Variants in UNC13B observed in about 807,000 individuals in gnomAD.
UNC13B encodes the protein protein unc-13 homolog B.
Under a neutral mutation model 211.0 loss-of-function variants are expected in UNC13B, and 144 were observed. The ratio of observed to expected loss-of-function variants is 0.68; its 90% CI spans 0.60 to 0.78. The LOEUF (loss-of-function observed/expected upper bound fraction) is 0.78, where lower values mean the gene tolerates loss of function less well. Ranked by LOEUF, UNC13B falls within the 30% of genes least tolerant of loss-of-function variation. The pLI is 0.00. For synonymous variants in UNC13B, 709 were observed against 725.8 expected, an observed-to-expected ratio of 0.98 and a Z score of 0.37; for missense variants, 1,777 against 2,002.0, an observed-to-expected ratio of 0.89 and a Z score of 2.14.
At chr9:35,236,433 C>A in intron 3 of UNC13B, 36 bp from the exon 4 acceptor site, 1 of 1,542,532 alleles carries the variant, frequency 6.5e-7, no homozygotes, top group South Asian at 1.1e-5. Flanking sequence ...TTCATATTGT[C>A]TAGCTTTCCT....
At chr9:35,259,077 T>G (rs1361600285) in intron 7 of UNC13B, 27 bp downstream of exon 7, 1 of 1,611,842 alleles carries the variant, frequency 6.2e-7, no homozygotes. Context: ...TCTATGAATC[T>G]CTTTTAATTG....
intron 11 of UNC13B, among the ~76,000 whole-genome samples, chr9:35,330,302 T>C (rs1411175923): frequency 6.6e-6 from 1 of 152,224 alleles, no homozygotes; most frequent in Non-Finnish European, 1.5e-5. Flanking sequence ...ATGACCTTTC[T>C]AGCCTAGACC....
In UNC13B at chr9:35,381,731, C is replaced by T. The variant is rs1261340887; in HGVS notation, c.10655+12C>T. On this transcript the variant is annotated intron_variant, in intron 20 of 39. Coordinates refer to ENST00000635942, the MANE Select transcript of UNC13B (RefSeq NM_001371189.2). ...TATCAGGCCATGACGTGAGTCTCTG[C>T]TGCGGCACCGGGAAGTGGCTACTAA... 1 of 1,611,568 alleles carries T rather than the reference C, an allele frequency of 6.2e-7. No individual in the cohort carries two copies. The highest frequency in any genetic ancestry group is 1.1e-5 in the South Asian group (1 of 90,864).
intron 11 of UNC13B, among the ~76,000 whole-genome samples, chr9:35,355,030 T>C (rs1018776271): frequency 6.6e-6 from 1 of 152,204 alleles, no homozygotes; most frequent in African/African-American, 2.4e-5. Flanking sequence ...AAATAAATTA[T>C]TGGCACGTCC....
At position 35,381,188 on chromosome 9, in the gene UNC13B, C is replaced by T. The variant is rs370233463; in HGVS notation, c.10464C>T (p.Tyr3488=). 2 of 1,614,050 alleles carry T rather than the reference C, an allele frequency of 1.2e-6. No individual in the cohort carries two copies. Among genetic ancestry groups the T allele is most frequent in the Non-Finnish European group, 1.7e-6 (2 of 1,179,990 alleles). Residue 3488 remains tyrosine, a synonymous_variant, in exon 19 of 40, where the codon TAC becomes TAT. Coordinates refer to ENST00000635942, the MANE Select transcript of UNC13B (RefSeq NM_001371189.2). ...AGGGGGAGGAGAAAGTAGCCCCATA[C>T]CACGTGCAGTATACATGTCTCCATG... ...EIKGEEKVAP[Y]HVQYTCLHEN...
rs1260049983 is a variant in UNC13B at position 35,301,154 on chromosome 9, C to A, written c.1750C>A (p.Pro584Thr). The change falls in exon 9 of 40, where the codon CCC (proline) becomes ACC (threonine). Residue 584 changes from proline to threonine, a missense_variant. Physicochemically the swap from Pro to Thr is conservative, Grantham distance 38. Coordinates refer to ENST00000635942, the MANE Select transcript of UNC13B (RefSeq NM_001371189.2). The part of the protein sequence containing the change: ...QIEAINLGSK[P>T]RAMAVLGKDL... ...AGAGGCAATTAATTTGGGATCTAAA[C>A]CCAGAGCCATGGCAGTATTGGGGAA... 1.3e-5 allele frequency: 5 copies of A among 398,744 alleles called. No individual in the cohort carries two copies. Among genetic ancestry groups the A allele is most frequent in the Non-Finnish European group, 2.2e-5 (5 of 225,966 alleles). The allele number at this position is 398,744 out of a possible 1,614,324, so 24.7% of individuals were successfully genotyped here.
chr9:35,249,904 T>C (rs894946355), intron 6 of UNC13B, among the ~76,000 whole-genome samples: 3 of 152,220 alleles, frequency 2.0e-5, no homozygotes, highest in African/African-American at 7.2e-5. Context: ...ACTCACTACA[T>C]TTTCATCTTT....
rs113464090 is a variant in UNC13B, at chr9:35,243,275, C to CT, written c.395-8dup. The CT allele has an allele frequency of 1.6e-3, 2,628 of 1,607,490 alleles. 41 individuals are homozygous for CT. The African/African-American group carries it at 0.031, about 19-fold the overall frequency. On this transcript the variant is annotated splice_polypyrimidine_tract_variant and intron_variant, in intron 5 of 39. Coordinates refer to ENST00000635942, the MANE Select transcript of UNC13B (RefSeq NM_001371189.2). ...TGATGTGATTTCTTTTCTTTTTCTT[C>CT]TTTTTTTTATGGTAGATATCCCAGA...
intron 7 of UNC13B, among the ~76,000 whole-genome samples, chr9:35,280,184 G>C (rs1828404622): frequency 6.6e-6 from 1 of 152,130 alleles, no homozygotes; most frequent in South Asian, 2.1e-4. Flanking sequence ...GTTGAGAATG[G>C]TATAAAGTTT....
In UNC13B at chr9:35,168,703, C is replaced by CTT. The variant is rs34612376; in HGVS notation, c.22+6413_22+6414dup. 4.9e-3 allele frequency among the ~76,000 whole-genome samples: 664 copies of CTT among 135,828 alleles called. 11 individuals are homozygous for CTT. Among genetic ancestry groups the CTT allele is most frequent in the Middle Eastern group, 0.046 (12 of 262 alleles). 89.1% of individuals were successfully genotyped at this position (135,828 alleles called of 152,430 possible). A position where few individuals can be genotyped will look rare whatever the true frequency, so the allele number is the denominator to read the frequency against. On this transcript the variant is annotated intron_variant, in intron 1 of 39. Transcript: ENST00000635942. ...TTTCCATATGAACATGTATTACTTG[C>CTT]TTTTTTTTTTTTTTTTGATACAGGG...
At chr9:35,176,671 C>A (rs369484840) in intron 1 of UNC13B, among the ~76,000 whole-genome samples, 2 of 151,886 alleles carry the variant, frequency 1.3e-5, no homozygotes, top group Admixed American at 1.3e-4. Context: ...AGTAGGACTA[C>A]GGAGGAGTTA....
intron 11 of UNC13B, 48 bp from the exon 12 acceptor site, chr9:35,366,899 T>A (rs754285822): frequency 7.2e-6 from 11 of 1,523,342 alleles, no homozygotes; most frequent in Non-Finnish European, 1.0e-5. Flanking sequence ...TTACAGGCAA[T>A]CTCCCATCTT....
chr9:35,171,112 T>C (rs146070170), intron 1 of UNC13B, among the ~76,000 whole-genome samples: 1,857 of 146,266 alleles, frequency 0.013, 23 homozygotes, highest in African/African-American at 0.043. Context: ...CCTGGCTCCT[T>C]TTTTTTTGAG....
chr9:35,365,923 A>G (rs1833741621), intron 11 of UNC13B, among the ~76,000 whole-genome samples: 1 of 152,158 alleles, frequency 6.6e-6, no homozygotes. Flanking sequence ...TCACTTTTCC[A>G]TCACCATTAG....
chr9:35,235,444 C>G (rs577904399), intron 3 of UNC13B, among the ~76,000 whole-genome samples: 1 of 152,006 alleles, frequency 6.6e-6, no homozygotes, highest in East Asian at 1.9e-4. Context: ...AAATCCCCCC[C>G]GCCCCGCCCC....
Position 35,295,744 on chromosome 9 carries a change from G to A in UNC13B, c.575G>A (p.Arg192His), listed in dbSNP as rs777319260. 1.0e-4 allele frequency: 165 copies of A among 1,613,838 alleles called. No homozygotes were observed. Among genetic ancestry groups the A allele is most frequent in the East Asian group, 8.9e-5 (4 of 44,898 alleles). ...SAVDDRDSDY[R>H]SETSNSFPPP... ...GTCGATGACCGAGATAGTGACTATC[G>A]CAGTGAGACCAGCAACAGCTTCCCA... Residue 192 changes from arginine (R) to histidine (H), a missense_variant, in exon 8 of 40, where the codon CGC becomes CAC. Arg to His is a conservative substitution (Grantham distance 29). Transcript: ENST00000635942.
chr9:35,184,364 G>A (rs1459147482), intron 1 of UNC13B, among the ~76,000 whole-genome samples: 1 of 152,190 alleles, frequency 6.6e-6, no homozygotes, highest in East Asian at 1.9e-4. Flanking sequence ...CAGGCGGCTG[G>A]AAGGTGGAGG....
At chr9:35,216,182 A>G (rs992850038) in intron 1 of UNC13B, among the ~76,000 whole-genome samples, 1 of 152,244 alleles carries the variant, frequency 6.6e-6, no homozygotes, top group Non-Finnish European at 1.5e-5. Flanking sequence ...ACAGATGCAG[A>G]AAAAGCATTT....
At chr9:35,174,257 A>G (rs976812290) in intron 1 of UNC13B, among the ~76,000 whole-genome samples, 2 of 151,572 alleles carry the variant, frequency 1.3e-5, no homozygotes, top group African/African-American at 4.9e-5. Context: ...TCCAGGGCTC[A>G]GGTGATTCTC....
Sources: gnomAD v4.1 joint callset for allele counts (sites outside exome capture counted in the v4.1 genomes callset) on GRCh38, gnomAD v4.1.1 for gene constraint, MANE v1.5 for transcripts, NCBI Gene and HGNC (gene_info 2026-07-23, HGNC 2026-07-21) for gene names.